Variants in FOXP1 observed in about 807,000 individuals in gnomAD.
FOXP1 encodes the protein forkhead box P1.
A neutral mutation model predicts 98.2 loss-of-function variants in FOXP1; 15 were observed. The observed-to-expected ratio is 0.15, with a 90% CI of 0.10 to 0.24. The LOEUF is 0.24. Ranked by LOEUF, FOXP1 falls within the 10% of genes least tolerant of loss-of-function variation. FOXP1 has a pLI of 1.00. For synonymous variants in FOXP1, 371 were observed against 314.5 expected, an observed-to-expected ratio of 1.18 and a Z score of -1.90; for missense variants, 633 against 848.5, an observed-to-expected ratio of 0.75 and a Z score of 3.15.
At chr3:70,967,718 T>TTTTTTTTTTTTTTA (rs2035242743) in intron 19 of FOXP1, among the ~76,000 whole-genome samples, 1 of 141,862 alleles carries the variant, frequency 7.0e-6, no homozygotes, top group African/African-American at 2.7e-5. Flanking sequence ...TTGTTTTTTT[T>TTTTTTTTTTTTTTA]TTTTTTTTTT....
intron 13 of FOXP1, among the ~76,000 whole-genome samples, chr3:70,997,178 C>T (rs752550496): frequency 6.6e-6 from 1 of 152,150 alleles, no homozygotes; most frequent in Non-Finnish European, 1.5e-5. Context: ...GGGACGATGC[C>T]AACAGAAAAC....
chr3:71,131,939 C>T (rs943397544), intron 6 of FOXP1, among the ~76,000 whole-genome samples: 10 of 152,344 alleles, frequency 6.6e-5, no homozygotes, highest in African/African-American at 2.2e-4. Flanking sequence ...CTGAGTCTCA[C>T]AGTGCTTCCA....
At chr3:71,292,620 C>G (rs1190255121) in intron 5 of FOXP1, 1 of 152,248 alleles carries the variant, frequency 6.6e-6, no homozygotes, top group African/African-American at 2.4e-5. Context: ...CAGGTGTGAG[C>G]CACCATGCCC....
chr3:71,003,033 G>C (rs868165231), intron 12 of FOXP1, among the ~76,000 whole-genome samples: 2 of 152,188 alleles, frequency 1.3e-5, no homozygotes, highest in Non-Finnish European at 2.9e-5. Context: ...TACATTCATT[G>C]GAAGGAGCTG....
intron 3 of FOXP1, among the ~76,000 whole-genome samples, chr3:71,395,272 G>C (rs1298490827): frequency 6.6e-6 from 1 of 150,520 alleles, no homozygotes. Flanking sequence ...AATAAAGCTC[G>C]GCGTCTTGCG....
At chr3:71,499,226 C>T (rs973450625) in intron 2 of FOXP1, among the ~76,000 whole-genome samples, 4 of 152,190 alleles carry the variant, frequency 2.6e-5, no homozygotes, top group South Asian at 2.1e-4. Flanking sequence ...GCTCTCTCCA[C>T]ACAACTCCTC....
chr3:71,427,449 C>A (rs919280922), intron 3 of FOXP1, among the ~76,000 whole-genome samples: 2 of 152,190 alleles, frequency 1.3e-5, no homozygotes, highest in African/African-American at 4.8e-5. Context: ...GGAAACCATG[C>A]CGCAGATGGA....
chr3:71,087,041 A>G (rs1417364512), intron 7 of FOXP1, among the ~76,000 whole-genome samples: 1 of 152,228 alleles, frequency 6.6e-6, no homozygotes, highest in Non-Finnish European at 1.5e-5. Flanking sequence ...CAGTCACCAT[A>G]ACAGTAAAAT....
At chr3:71,233,013 G>A (rs1427508575) in intron 5 of FOXP1, among the ~76,000 whole-genome samples, 1 of 151,360 alleles carries the variant, frequency 6.6e-6, no homozygotes, top group Admixed American at 6.6e-5. Context: ...AGCTAGGTGT[G>A]ATGTGCCTCT....
At chr3:71,163,972 G>A (rs756374709) in intron 6 of FOXP1, among the ~76,000 whole-genome samples, 9 of 152,146 alleles carry the variant, frequency 5.9e-5, no homozygotes, top group Admixed American at 2.0e-4. Flanking sequence ...ACTGTGAGAA[G>A]ATCAAGGGCT....
rs182021352 is a variant in FOXP1, at chr3:71,122,615, C to T, written c.181-9978G>A. On this transcript the variant is annotated intron_variant, in intron 6 of 20. Coordinates refer to ENST00000649528, the MANE Select transcript of FOXP1 (RefSeq NM_001349338.3). Reference sequence around the variant, plus strand: ...ACTGTATTGAATTGCTTACTATGAACCAGACACTGTGCTAGTTAAGGTGCT... The same window carrying T: ...ACTGTATTGAATTGCTTACTATGAATCAGACACTGTGCTAGTTAAGGTGCT... Among the ~76,000 whole-genome samples the T allele has an allele frequency of 4.8e-3, 737 of 152,194 alleles. 6 individuals carry two copies. In the Middle Eastern group the frequency reaches 0.071, roughly 15 times the overall value.
intron 2 of FOXP1, among the ~76,000 whole-genome samples, chr3:71,534,904 T>C (rs1035513656): frequency 5.9e-5 from 9 of 152,222 alleles, no homozygotes; most frequent in Admixed American, 3.3e-4. Context: ...AAGCCAGAGC[T>C]GACCTATGAG....
At chr3:71,337,655 T>C (rs914651279) in intron 4 of FOXP1, among the ~76,000 whole-genome samples, 4 of 152,218 alleles carry the variant, frequency 2.6e-5, no homozygotes, top group Admixed American at 6.5e-5. Flanking sequence ...AACCATTTTA[T>C]GCCATGACAC....
At chr3:71,083,309 C>T (rs1401351671) in intron 7 of FOXP1, among the ~76,000 whole-genome samples, 1 of 152,178 alleles carries the variant, frequency 6.6e-6, no homozygotes, top group Non-Finnish European at 1.5e-5. Flanking sequence ...CTGCCTTCCA[C>T]CATGAGCAAA....
chr3:71,187,109 TTATACCTAGCCCC>T (rs773094142), intron 6 of FOXP1, among the ~76,000 whole-genome samples: 7 of 152,220 alleles, frequency 4.6e-5, no homozygotes, highest in Non-Finnish European at 8.8e-5. Context: ...TTATAGTGCC[TTATACCTAGCCCC>T]TACTCAAAGA....
intron 11 of FOXP1, among the ~76,000 whole-genome samples, chr3:71,032,019 GA>G (rs1251738024): frequency 1.3e-5 from 2 of 152,248 alleles, no homozygotes; most frequent in Admixed American, 1.3e-4. Context: ...TCTTGGTTGA[GA>G]GAGTACATGT....
rs1052036798 is a variant in FOXP1, at chr3:71,133,022, T to G, written c.181-20385A>C. On this transcript the variant is annotated intron_variant, in intron 6 of 20. Transcript: ENST00000649528. ...AGCAAACATAGTTGCTTTCAACACT[T>G]ACTCCAAACATCTCCCAACTAAATA... 2.6e-5 allele frequency among the ~76,000 whole-genome samples: 4 copies of G among 152,092 alleles called. 1 individual carries two copies. The highest frequency in any genetic ancestry group is 2.6e-4 in the Admixed American group (4 of 15,276).
chr3:71,217,213 C>T (rs1186724046), intron 5 of FOXP1, among the ~76,000 whole-genome samples: 1 of 152,124 alleles, frequency 6.6e-6, no homozygotes, highest in Non-Finnish European at 1.5e-5. Context: ...GCTGGGATTA[C>T]AGGCATGTGC....
chr3:71,392,124 T>C (rs2081083448), intron 3 of FOXP1, among the ~76,000 whole-genome samples: 1 of 152,244 alleles, frequency 6.6e-6, no homozygotes, highest in South Asian at 2.1e-4. Flanking sequence ...AGATTGGTCC[T>C]ATCAGCATGG....
Sources: allele counts gnomAD v4.1 joint callset (sites outside exome capture counted in the v4.1 genomes callset), GRCh38; gene constraint gnomAD v4.1.1; transcripts MANE v1.5; gene names NCBI Gene and HGNC (gene_info 2026-07-23, HGNC 2026-07-21).